The following EPHA10 variants were observed in gnomAD, a reference collection of about 807,000 sequenced individuals.
EPHA10 encodes EPH receptor A10, also known as ephrin type-A receptor 10.
Under a neutral mutation model 109.7 loss-of-function variants are expected in EPHA10, and 120 were observed. The observed-to-expected ratio is 1.09, with a 90% CI of 0.94 to 1.27. The LOEUF (loss-of-function observed/expected upper bound fraction) is 1.27. Among genes scored for constraint, EPHA10 ranks in the 50% most tolerant of loss-of-function variants. The probability of loss-of-function intolerance (pLI) is 0.00; values close to 1 mark genes in which losing one functional copy is unlikely to be tolerated. For missense variants in EPHA10, 1,396 were observed against 1,411.1 expected, an observed-to-expected ratio of 0.99 and a Z score of 0.17; for synonymous variants, 640 against 618.9, an observed-to-expected ratio of 1.03 and a Z score of -0.51.
At chr1:37,758,499 A>G (rs1482870370) in intron 3 of EPHA10, among the ~76,000 whole-genome samples, 1 of 152,130 alleles carries the variant, frequency 6.6e-6, no homozygotes, top group East Asian at 1.9e-4. Context: ...AAGGCCACCA[A>G]CTGGGCACTT....
intron 5 of EPHA10, among the ~76,000 whole-genome samples, chr1:37,742,153 G>T (rs483201): frequency 0.33 from 49,862 of 152,070 alleles, 8,356 homozygotes; most frequent in East Asian, 0.48. Flanking sequence ...ACCAAGCACC[G>T]GCTCTCCAGC....
chr1:37,753,224 G>T lies in EPHA10; in HGVS notation c.1009C>A (p.Pro337Thr). ...TDPPSASCTRPPSAPRDLQYS... is the reference protein window; with the variant it reads ...TDPPSASCTRTPSAPRDLQYS... The stretch of plus-strand genomic sequence containing the variant: ...TGCAGGTCCCGCGGCGCCGACGGCG[G>T]CCCTGAGGCGGCACAGGGGCGGGGC... Residue 337 changes from proline (P) to threonine (T), a missense_variant and splice_region_variant, in exon 5 of 17, where the codon CCG (proline) becomes ACG (threonine). Coordinates refer to ENST00000373048, the MANE Select transcript of EPHA10 (RefSeq NM_001099439.2). The T allele has an allele frequency of 8.1e-7, 1 of 1,238,664 alleles. No individual in the cohort carries two copies. Among genetic ancestry groups the T allele is most frequent in the Non-Finnish European group, 1.0e-6 (1 of 990,078 alleles). 76.7% of individuals were successfully genotyped at this position (1,238,664 alleles called of 1,614,324 possible). A position where few individuals can be genotyped will look rare whatever the true frequency, so the allele number is the denominator to read the frequency against.
At chr1:37,715,296 C>A (rs1012162088), downstream of EPHA10, among the ~76,000 whole-genome samples, 9 of 152,254 alleles carry the variant, frequency 5.9e-5, no homozygotes, top group Non-Finnish European at 1.3e-4. Flanking sequence ...TCTCAAAGTG[C>A]TGGGATTACA....
chr1:37,764,766 A>G lies in EPHA10; in HGVS notation c.106+195T>C, dbSNP rs968871231. ...CAACCTCCCGGGTCTCCAGCCCCCA[A>G]GCTCCTCAGCGCCCCTCTCTTCGCT... On this transcript the variant is annotated intron_variant, in intron 1 of 16. Coordinates refer to ENST00000373048, the MANE Select transcript of EPHA10 (RefSeq NM_001099439.2). The surrounding 1 kb of genome is among the most constrained non-coding windows in gnomAD (Gnocchi z 5.8). Among the ~76,000 whole-genome samples, 2 of 151,782 alleles carry G rather than the reference A, an allele frequency of 1.3e-5. No homozygotes were observed. The highest frequency in any genetic ancestry group is 2.4e-5 in the African/African-American group (1 of 41,284).
chr1:37,763,276 C>A (rs553768122), intron 1 of EPHA10, among the ~76,000 whole-genome samples: 31 of 152,204 alleles, frequency 2.0e-4, no homozygotes, highest in African/African-American at 6.0e-4. Flanking sequence ...CGCCTGTAGT[C>A]CCTAGCTTGT....
chr1:37,748,252 G>T (rs1646270493), intron 5 of EPHA10, among the ~76,000 whole-genome samples: 5 of 152,100 alleles, frequency 3.3e-5, no homozygotes, highest in Admixed American at 2.6e-4. Context: ...CCAGTTACTT[G>T]GGAGGCTGAG....
At chr1:37,732,537 T>C (rs1646001940) in intron 6 of EPHA10, among the ~76,000 whole-genome samples, 2 of 152,088 alleles carry the variant, frequency 1.3e-5, no homozygotes, top group South Asian at 4.2e-4. Context: ...GCTGGGCCAA[T>C]CAGAATCTCT....
In EPHA10 at chr1:37,716,065, T is replaced by G. The variant is rs1645687111; in HGVS notation, c.*2307A>C. The G allele has an allele frequency of 1.9e-6, 1 of 525,474 alleles. No homozygotes were observed. Among genetic ancestry groups the G allele is most frequent in the African/African-American group, 1.9e-5 (1 of 53,218 alleles). The allele number at this position is 525,474 out of a possible 1,614,324, so 32.6% of individuals were successfully genotyped here. ...AACCCCCTCCGACTGGCCCCCTCCCTCCCAGGGTGAGCTCAGACCAGGGTA... is the reference window on the plus strand; with the variant it reads ...AACCCCCTCCGACTGGCCCCCTCCCGCCCAGGGTGAGCTCAGACCAGGGTA... On this transcript the variant is annotated 3_prime_UTR_variant, in exon 17 of 17. Transcript: ENST00000373048.
rs551281085 is a variant in EPHA10 at position 37,762,106 on chromosome 1, G to A, written c.172-23C>T. On this transcript the variant is annotated intron_variant, in intron 2 of 16. Coordinates refer to ENST00000373048, the MANE Select transcript of EPHA10 (RefSeq NM_001099439.2). ...CCACTGGGGACAAGAGTAAAGGGGTGGGCAGCCCAGAGCCAAAGTGCTTCC... is the reference window on the plus strand; with the variant it reads ...CCACTGGGGACAAGAGTAAAGGGGTAGGCAGCCCAGAGCCAAAGTGCTTCC... 1.6e-5 allele frequency: 25 copies of A among 1,548,784 alleles called. No homozygotes were observed. The African/African-American group carries it at 2.0e-4, about 13-fold the overall frequency.
intron 10 of EPHA10, among the ~76,000 whole-genome samples, chr1:37,722,600 G>C (rs779622103): frequency 1.3e-5 from 2 of 152,198 alleles, no homozygotes; most frequent in Non-Finnish European, 2.9e-5. Context: ...TTAGCCCCCA[G>C]AAGGCAGATA....
intron 10 of EPHA10, 150 bp from the exon 11 acceptor site, chr1:37,721,995 G>GCT: frequency 1.4e-6 from 1 of 706,434 alleles, no homozygotes; most frequent in Non-Finnish European, 2.2e-6. Context: ...ACCAGACAAG[G>GCT]TGGCACATGC....
rs1196079587 is a variant in EPHA10 at position 37,753,240 on chromosome 1, GGGGCGGGGCGGTCA to G, written c.1007-28_1007-15del. ...CCGACGGCGGCCCTGAGGCGGCACA[GGGGCGGGGCGGTCA>G]GGGCGGGGCGTGGGTGCCCGTGAGA... On this transcript the variant is annotated splice_polypyrimidine_tract_variant and intron_variant, in intron 4 of 16. Coordinates refer to ENST00000373048, the MANE Select transcript of EPHA10 (RefSeq NM_001099439.2). 2.2e-5 allele frequency: 29 copies of G among 1,297,912 alleles called. No homozygotes were observed. The highest frequency in any genetic ancestry group is 3.1e-5 in the African/African-American group (2 of 64,280). The allele number at this position is 1,297,912 out of a possible 1,614,324, so 80.4% of individuals were successfully genotyped here. A position where few individuals can be genotyped will look rare whatever the true frequency, so the allele number is the denominator to read the frequency against.
At chr1:37,741,446 C>T (rs900511903) in intron 5 of EPHA10, among the ~76,000 whole-genome samples, 2 of 152,156 alleles carry the variant, frequency 1.3e-5, no homozygotes, top group African/African-American at 4.8e-5. Context: ...GATGTGGCTT[C>T]TAGTCTTAAA....
downstream of EPHA10, among the ~76,000 whole-genome samples, chr1:37,714,543 C>T (rs1016921715): frequency 2.0e-5 from 3 of 152,154 alleles, no homozygotes; most frequent in African/African-American, 7.2e-5. Flanking sequence ...GTCGCTGTTA[C>T]GGGTTGAATT....
intron 12 of EPHA10, 56 bp from the exon 13 acceptor site, chr1:37,720,610 G>T (rs1177827919): frequency 1.9e-5 from 30 of 1,560,638 alleles, no homozygotes; most frequent in Non-Finnish European, 2.6e-5. Flanking sequence ...CTGGTGTTGT[G>T]TGACACCAGG....
chr1:37,760,686 G>C (rs1365940992), intron 3 of EPHA10: 1 of 212,300 alleles, frequency 4.7e-6, no homozygotes, highest in Non-Finnish European at 9.5e-6. Flanking sequence ...ATGTGAGTTG[G>C]GCAAGCCTGA....
chr1:37,764,891 A>G lies in EPHA10; in HGVS notation c.106+70T>C, dbSNP rs1448875957. On this transcript the variant is annotated intron_variant, in intron 1 of 16. Transcript: ENST00000373048. The surrounding 1 kb of genome is among the most constrained non-coding windows in gnomAD (Gnocchi z 5.8). ...AGTCTCTCCAATGACTCCTTCCCCCAGAACCCCCATCGCCAGCCCCCTATC... is the reference window on the plus strand; with the variant it reads ...AGTCTCTCCAATGACTCCTTCCCCCGGAACCCCCATCGCCAGCCCCCTATC... 14 of 1,405,640 alleles carry G rather than the reference A, an allele frequency of 1.0e-5. No homozygotes were observed. The highest frequency in any genetic ancestry group is 1.4e-5 in the African/African-American group (1 of 70,386). 87.1% of individuals were successfully genotyped at this position (1,405,640 alleles called of 1,614,324 possible).
intron 13 of EPHA10, 66 bp from the exon 14 acceptor site, chr1:37,720,124 G>C: frequency 6.3e-7 from 1 of 1,588,264 alleles, no homozygotes; most frequent in South Asian, 1.1e-5. Context: ...CCACCCCACT[G>C]AGCCCCAGAT....
intron 13 of EPHA10, 87 bp from the exon 14 acceptor site, chr1:37,720,145 T>C: frequency 3.9e-6 from 6 of 1,535,540 alleles, no homozygotes; most frequent in African/African-American, 1.4e-5. Context: ...CCAGCCTGCA[T>C]GTCATCCTCC....
Sources: gnomAD v4.1 joint callset for allele counts (sites outside exome capture counted in the v4.1 genomes callset) on GRCh38, gnomAD v4.1.1 for gene constraint, Gnocchi (gnomAD v3.1) non-coding constraint, MANE v1.5 for transcripts, NCBI Gene and HGNC (gene_info 2026-07-23, HGNC 2026-07-21) for gene names.